DLGAP1: variants seen among roughly 807,000 people sequenced by gnomAD.
The protein encoded by DLGAP1 is DLG associated protein 1.
A neutral mutation model predicts 90.8 loss-of-function variants in DLGAP1; 11 were observed. The ratio of observed to expected loss-of-function variants is 0.12; its 90% CI spans 0.08 to 0.20. DLGAP1 has a LOEUF of 0.20. DLGAP1 is among the 10% of genes least tolerant of loss of function. The pLI is 1.00. For missense variants in DLGAP1, 1,050 were observed against 1,333.8 expected, an observed-to-expected ratio of 0.79 and a Z score of 3.31; for synonymous variants, 558 against 540.7, an observed-to-expected ratio of 1.03 and a Z score of -0.44.
chr18:3,522,099 C>CT (rs373400380), intron 10 of DLGAP1, among the ~76,000 whole-genome samples: 1,842 of 116,394 alleles, frequency 0.016, 14 homozygotes, highest in Non-Finnish European at 0.021. Context: ...CAAGTTTTGC[C>CT]TTTTTTTTTT....
At chr18:4,034,963 T>A (rs2074864217) in intron 2 of DLGAP1, among the ~76,000 whole-genome samples, 1 of 151,994 alleles carries the variant, frequency 6.6e-6, no homozygotes, top group Non-Finnish European at 1.5e-5. Context: ...TTGCTGAGAA[T>A]GATGGTTTCC....
intron 3 of DLGAP1, among the ~76,000 whole-genome samples, chr18:3,898,880 T>C (rs1172829898): frequency 6.6e-6 from 1 of 151,314 alleles, no homozygotes; most frequent in Non-Finnish European, 1.5e-5. Flanking sequence ...GCTGACTACA[T>C]ACATCATCTA....
At chr18:3,828,623 G>C in intron 4 of DLGAP1, among the ~76,000 whole-genome samples, 1 of 106,582 alleles carries the variant, frequency 9.4e-6, no homozygotes, top group African/African-American at 3.6e-5. Flanking sequence ...CTGGGTGACA[G>C]AGCAAGACTC....
At chr18:4,357,325 T>C (rs2081542891) in intron 1 of DLGAP1, among the ~76,000 whole-genome samples, 1 of 151,950 alleles carries the variant, frequency 6.6e-6, no homozygotes, top group African/African-American at 2.4e-5. Context: ...GGCTAATTTT[T>C]GTATTTTTAG....
chr18:4,269,435 G>A (rs959600307), intron 1 of DLGAP1, among the ~76,000 whole-genome samples: 3 of 149,944 alleles, frequency 2.0e-5, no homozygotes, highest in Non-Finnish European at 4.4e-5. Context: ...CTCACTGCAA[G>A]CTCTGCCTGC....
chr18:4,349,025 T>C (rs746920170), intron 1 of DLGAP1, among the ~76,000 whole-genome samples: 7 of 152,148 alleles, frequency 4.6e-5, no homozygotes, highest in Non-Finnish European at 1.0e-4. Flanking sequence ...GACATTGGCA[T>C]AGTCTCAAAC....
intron 1 of DLGAP1, among the ~76,000 whole-genome samples, chr18:4,410,274 G>C (rs945513267): frequency 6.6e-6 from 1 of 152,078 alleles, no homozygotes; most frequent in African/African-American, 2.4e-5. Context: ...ATGTAACCAA[G>C]TACCACATGT....
chr18:3,512,028 TG>T (rs1416605817), intron 10 of DLGAP1, among the ~76,000 whole-genome samples: 1 of 151,530 alleles, frequency 6.6e-6, no homozygotes, highest in African/African-American at 2.4e-5. Context: ...TAAAGCTCTA[TG>T]GGTGTTGAGT....
rs1005037501 is a variant in DLGAP1, at chr18:3,526,658, C to G, written c.2479+7536G>C. On this transcript the variant is annotated intron_variant, in intron 10 of 12. Transcript: ENST00000315677. The surrounding 1 kb of genome is among the most constrained non-coding windows in gnomAD (Gnocchi z 4.7). ...AAGACAGATTTAGAAGTACAATCAC[C>G]GGTATTTCATCTTAGGGCCATTGAA... 1.2e-4 allele frequency among the ~76,000 whole-genome samples: 19 copies of G among 152,212 alleles called. 1 individual carries two copies. Among genetic ancestry groups the G allele is most frequent in the Admixed American group, 9.8e-4 (15 of 15,284 alleles).
At chr18:4,067,370 G>A (rs1175591567) in intron 2 of DLGAP1, among the ~76,000 whole-genome samples, 1 of 151,654 alleles carries the variant, frequency 6.6e-6, no homozygotes, top group Non-Finnish European at 1.5e-5. Context: ...AGGAGGGAGG[G>A]AGGAAGGAAG....
At chr18:4,177,201 T>C (rs2077123745) in intron 1 of DLGAP1, among the ~76,000 whole-genome samples, 1 of 152,194 alleles carries the variant, frequency 6.6e-6, no homozygotes, top group African/African-American at 2.4e-5. Context: ...CTTCAGTATA[T>C]GCCCCTTGCA....
rs192162208 is a variant in DLGAP1, at chr18:3,636,271, T to A, written c.1592-54023A>T. On this transcript the variant is annotated intron_variant, in intron 7 of 12. Transcript: ENST00000315677. ...ATGCTCTCTTAGCCTTTAAAGGCTG[T>A]CTTTTACACCTTTCATTAACTAATT... Among the ~76,000 whole-genome samples, 130 of 151,640 alleles carry A rather than the reference T, an allele frequency of 8.6e-4. 1 individual carries two copies. Among genetic ancestry groups the A allele is most frequent in the Admixed American group, 7.7e-3 (117 of 15,156 alleles).
At chr18:3,641,734 A>G (rs901675021) in intron 7 of DLGAP1, among the ~76,000 whole-genome samples, 22 of 151,998 alleles carry the variant, frequency 1.4e-4, no homozygotes, top group Non-Finnish European at 5.9e-5. Context: ...TCACCTCATC[A>G]TCTCACTTAG....
intron 1 of DLGAP1, among the ~76,000 whole-genome samples, chr18:4,424,138 G>A (rs760907836): frequency 3.3e-5 from 5 of 152,022 alleles, no homozygotes; most frequent in East Asian, 1.9e-4. Context: ...GCAACAGAGC[G>A]AGACTCCATC....
rs577875359 is a variant in DLGAP1, at chr18:3,830,158, A to C, written c.958-15885T>G. 5.9e-5 allele frequency among the ~76,000 whole-genome samples: 9 copies of C among 152,312 alleles called. No individual in the cohort carries two copies. The East Asian group carries it at 1.4e-3, about 23-fold the overall frequency. On this transcript the variant is annotated intron_variant, in intron 4 of 12. Coordinates refer to ENST00000315677, the MANE Select transcript of DLGAP1 (RefSeq NM_004746.4). ...ACCTAGCAAGGTGCCTGGCATGTCAATTTCATTGACAATGTTCTTTAAGGG... is the reference window on the plus strand; with the variant it reads ...ACCTAGCAAGGTGCCTGGCATGTCACTTTCATTGACAATGTTCTTTAAGGG...
intron 1 of DLGAP1, chr18:4,248,659 G>A (rs1023742931): frequency 2.6e-5 from 4 of 152,304 alleles, no homozygotes; most frequent in Admixed American, 1.3e-4. Flanking sequence ...CCACCTGGAT[G>A]TCTATTACCA....
At chr18:3,957,039 C>G (rs1274533460) in intron 3 of DLGAP1, among the ~76,000 whole-genome samples, 1 of 152,112 alleles carries the variant, frequency 6.6e-6, no homozygotes, top group Non-Finnish European at 1.5e-5. Flanking sequence ...TGTTCTAATC[C>G]CCAGGACCTG....
At chr18:4,072,004 G>T (rs1025247692) in intron 2 of DLGAP1, among the ~76,000 whole-genome samples, 6 of 152,182 alleles carry the variant, frequency 3.9e-5, no homozygotes, top group African/African-American at 1.4e-4. Context: ...GCTCATATAT[G>T]TGTGTCTAAA....
At chr18:4,127,025 A>G (rs2076242952) in intron 2 of DLGAP1, among the ~76,000 whole-genome samples, 1 of 152,202 alleles carries the variant, frequency 6.6e-6, no homozygotes, top group South Asian at 2.1e-4. Context: ...TTGCATAATC[A>G]TATTTTGTAT....
Sources: allele counts gnomAD v4.1 joint callset (sites outside exome capture counted in the v4.1 genomes callset), GRCh38; gene constraint gnomAD v4.1.1; non-coding constraint Gnocchi (gnomAD v3.1); transcripts MANE v1.5; gene names NCBI Gene and HGNC (gene_info 2026-07-23, HGNC 2026-07-21).